The following B3GNT5 variants were observed in gnomAD, a reference collection of about 807,000 sequenced individuals.
The protein encoded by B3GNT5 is lactosylceramide 1,3-N-acetyl-beta-D-glucosaminyltransferase.
B3GNT5 carries 11 observed loss-of-function variants against 25.9 expected under a neutral mutation model. The observed-to-expected ratio is 0.42, with a 90% CI of 0.27 to 0.70. The LOEUF (loss-of-function observed/expected upper bound fraction) is 0.70. Among genes scored for constraint, B3GNT5 ranks in the 30% least tolerant of loss-of-function variants. The probability of loss-of-function intolerance (pLI) is 0.23; values close to 1 mark genes in which losing one functional copy is unlikely to be tolerated. For missense variants in B3GNT5, 385 were observed against 458.4 expected (o/e 0.84, Z 1.46); for synonymous variants, 166 against 158.6 (o/e 1.05, Z -0.35).
At chr3:183,254,647 G>T (rs1033128318) in intron 1 of B3GNT5, 5 of 152,190 alleles carry the variant, frequency 3.3e-5, no homozygotes, top group Non-Finnish European at 7.3e-5. Context: ...CACCAATTCG[G>T]TTGCCGGCCG....
At position 183,267,775 on chromosome 3, in the gene B3GNT5, G is replaced by A. The variant is rs1417966339; in HGVS notation, c.-301-1723G>A. Among the ~76,000 whole-genome samples, 3 of 152,208 alleles carry A rather than the reference G, an allele frequency of 2.0e-5. No individual in the cohort carries two copies. In the East Asian group the frequency reaches 5.8e-4, roughly 29 times the overall value. ...CGTCCCAGTGGTGGAGGAAAAGAGA[G>A]GACCTGGTGTAAGCAGCCATGGCAT... On this transcript the variant is annotated intron_variant, in intron 1 of 1. Transcript: ENST00000326505. This position sits in a 1 kb window ranked among gnomAD's most constrained non-coding sequence, Gnocchi z 5.5.
chr3:183,269,230 C>CTTTTTTTTTTTTTTTTTTTTTTTTTT lies in B3GNT5; in HGVS notation c.-301-250_-301-249insTTTTTTTTTTTTTTTTTTTTTTTTTT, dbSNP rs60835895. On this transcript the variant is annotated intron_variant, in intron 1 of 1. Transcript: ENST00000326505. Reference sequence around the variant, plus strand: ...TACACGATTATAGCCGTTTGGGAAGCTTTTTTTTTTTTTTTTTTAAGAGTA... The same window carrying CTTTTTTTTTTTTTTTTTTTTTTTTTT: ...TACACGATTATAGCCGTTTGGGAAGCTTTTTTTTTTTTTTTTTTTTTTTTTTTTTTTTTTTTTTTTTTTTAAGAGTA... 1.1e-3 allele frequency among the ~76,000 whole-genome samples: 87 copies of CTTTTTTTTTTTTTTTTTTTTTTTTTT among 81,000 alleles called. 20 individuals are homozygous for CTTTTTTTTTTTTTTTTTTTTTTTTTT. Among genetic ancestry groups the CTTTTTTTTTTTTTTTTTTTTTTTTTT allele is most frequent in the Middle Eastern group, 7.7e-3 (1 of 130 alleles). 53.1% of individuals were successfully genotyped at this position (81,000 alleles called of 152,430 possible). A position where few individuals can be genotyped will look rare whatever the true frequency, so the allele number is the denominator to read the frequency against.
In B3GNT5 at chr3:183,270,494, T is replaced by C. The variant is rs1446695091; in HGVS notation, c.696T>C (p.Asp232=). 2 of 1,614,062 alleles carry C rather than the reference T, an allele frequency of 1.2e-6. No homozygotes were observed. Among genetic ancestry groups the C allele is most frequent in the Non-Finnish European group, 1.7e-6 (2 of 1,180,036 alleles). The change falls in exon 2 of 2, where the codon GAT becomes GAC. Residue 232 remains aspartate (D), a synonymous_variant. Transcript: ENST00000326505. The surrounding 1 kb of genome is among the most constrained non-coding windows in gnomAD (Gnocchi z 4.5). ...RVHRGAPPIR[D]KSSKYYVSYE... ...ATCGTGGTGCCCCTCCCATTAGAGA[T>C]AAAAGCAGCAAATACTACGTGTCCT... is the stretch of plus-strand genomic sequence containing the variant.
In B3GNT5 at chr3:183,269,798, T is replaced by A. The variant is rs1230333114; in HGVS notation, c.-1T>A. On this transcript the variant is annotated 5_prime_UTR_variant, in exon 2 of 2. Transcript: ENST00000326505. Reference sequence around the variant, plus strand: ...CTAACTAAAAACAGACTTGAGTGGATATGAGAATGTTGGTTAGTGGCAGAA... The same window carrying A: ...CTAACTAAAAACAGACTTGAGTGGAAATGAGAATGTTGGTTAGTGGCAGAA... 2 of 1,599,374 alleles carry A rather than the reference T, an allele frequency of 1.3e-6. No homozygotes were observed. The highest frequency in any genetic ancestry group is 2.3e-5 in the South Asian group (2 of 87,836).
chr3:183,272,120 GTTGCCAGT>G lies in B3GNT5; in HGVS notation c.*1189_*1196del. Reference sequence around the variant, plus strand: ...AACAGAGTAAAAAAGTGATAGAAAAGTTGCCAGTTTGGGGTTAAAGCATTTTTAAAGCT... The same window carrying G: ...AACAGAGTAAAAAAGTGATAGAAAAGTTGGGGTTAAAGCATTTTTAAAGCT... On this transcript the variant is annotated 3_prime_UTR_variant, in exon 2 of 2. Coordinates refer to ENST00000326505, the MANE Select transcript of B3GNT5 (RefSeq NM_032047.5). The G allele has an allele frequency of 1.0e-6, 1 of 998,662 alleles. No homozygotes were observed. The highest frequency in any genetic ancestry group is 5.2e-4 in the Middle Eastern group (1 of 1,912). 61.9% of individuals were successfully genotyped at this position (998,662 alleles called of 1,614,324 possible).
At position 183,270,645 on chromosome 3, in the gene B3GNT5, G is replaced by T. The variant is rs1190308876; in HGVS notation, c.847G>T (p.Asp283Tyr). ...QTLNSSLYID[D>Y]VFMGLCANKI... ...ACTAAATTCAAGTCTTTACATAGAC[G>T]ATGTGTTCATGGGCCTCTGTGCCAA... The change falls in exon 2 of 2, where the codon GAT becomes TAT. Residue 283 changes from aspartate (D) to tyrosine (Y), a missense_variant. Asp to Tyr is a radical substitution (Grantham distance 160). Transcript: ENST00000326505. The surrounding 1 kb of genome is among the most constrained non-coding windows in gnomAD (Gnocchi z 4.5). The T allele has an allele frequency of 6.2e-7, 1 of 1,614,004 alleles. No homozygotes were observed. Among genetic ancestry groups the T allele is most frequent in the Non-Finnish European group, 8.5e-7 (1 of 1,180,038 alleles).
At chr3:183,269,014 TA>T (rs1258675593) in intron 1 of B3GNT5, among the ~76,000 whole-genome samples, 1 of 150,668 alleles carries the variant, frequency 6.6e-6, no homozygotes. Flanking sequence ...AACCTTAATT[TA>T]AAAAAAAAGA....
At chr3:183,263,617 T>C (rs1274949271) in intron 1 of B3GNT5, among the ~76,000 whole-genome samples, 1 of 152,128 alleles carries the variant, frequency 6.6e-6, no homozygotes, top group Non-Finnish European at 1.5e-5. Context: ...TTCATGAAAT[T>C]AGTCATCTTC....
intron 1 of B3GNT5, among the ~76,000 whole-genome samples, chr3:183,256,854 G>A (rs1034191846): frequency 1.1e-4 from 14 of 131,908 alleles, no homozygotes; most frequent in Middle Eastern, 3.4e-3. Context: ...ACGGAAGACC[G>A]TTATTCCATT....
chr3:183,258,317 TC>T (rs540102195), intron 1 of B3GNT5: 294 of 152,950 alleles, frequency 1.9e-3, no homozygotes, highest in Non-Finnish European at 3.5e-3. Flanking sequence ...TCCTCCCTTC[TC>T]CTTTTCTTTC....
Position 183,269,742 on chromosome 3 carries a change from C to T in B3GNT5, c.-57C>T, listed in dbSNP as rs565209559. On this transcript the variant is annotated 5_prime_UTR_variant, in exon 2 of 2. An upstream open reading frame in the 5' UTR gains an earlier in-frame stop. Coordinates refer to ENST00000326505, the MANE Select transcript of B3GNT5 (RefSeq NM_032047.5). ...TACGAAACACGAAGTTCTATGGTCT[C>T]GAAGAAGCCCGTGCCTGTTTAAAAC... is the stretch of plus-strand genomic sequence containing the variant. 16 of 1,489,954 alleles carry T rather than the reference C, an allele frequency of 1.1e-5. No homozygotes were observed. In the South Asian group the frequency reaches 1.5e-4, roughly 14 times the overall value. The allele number at this position is 1,489,954 out of a possible 1,614,324, so 92.3% of individuals were successfully genotyped here.
chr3:183,265,483 A>C (rs1255948588), intron 1 of B3GNT5: 1 of 152,308 alleles, frequency 6.6e-6, no homozygotes, highest in Non-Finnish European at 1.5e-5. Flanking sequence ...GAGAAGCTTT[A>C]AGACGCCGAA....
Position 183,270,997 on chromosome 3 carries a change from T to C in B3GNT5, c.*62T>C. The C allele has an allele frequency of 1.4e-6, 2 of 1,443,090 alleles. No homozygotes were observed. Among genetic ancestry groups the C allele is most frequent in the Non-Finnish European group, 1.9e-6 (2 of 1,071,704 alleles). The allele number at this position is 1,443,090 out of a possible 1,614,324, so 89.4% of individuals were successfully genotyped here. A position where few individuals can be genotyped will look rare whatever the true frequency, so the allele number is the denominator to read the frequency against. On this transcript the variant is annotated 3_prime_UTR_variant, in exon 2 of 2. Transcript: ENST00000326505. This position sits in a 1 kb window ranked among gnomAD's most constrained non-coding sequence, Gnocchi z 4.5. ...GTCAAACCTGGATGAAAAAAACCTT[T>C]AAATGTTCGTCTATACCCTAAGTAA...
chr3:183,257,636 C>T (rs958899900), intron 1 of B3GNT5, among the ~76,000 whole-genome samples: 3 of 152,152 alleles, frequency 2.0e-5, no homozygotes, highest in Non-Finnish European at 4.4e-5. Context: ...TTTTGTACCT[C>T]TGTGTTATAA....
intron 1 of B3GNT5, among the ~76,000 whole-genome samples, chr3:183,259,552 G>T (rs889435743): frequency 5.3e-5 from 8 of 152,132 alleles, no homozygotes; most frequent in Non-Finnish European, 1.2e-4. Flanking sequence ...CATGAAAACG[G>T]TTTTGATACA....
chr3:183,259,887 T>C (rs1725430131), intron 1 of B3GNT5, among the ~76,000 whole-genome samples: 1 of 151,618 alleles, frequency 6.6e-6, no homozygotes, highest in Non-Finnish European at 1.5e-5. Flanking sequence ...TGAAAAAGAG[T>C]GTGTTAGTGA....
intron 1 of B3GNT5, among the ~76,000 whole-genome samples, chr3:183,266,773 T>C (rs933763980): frequency 3.3e-5 from 5 of 152,086 alleles, no homozygotes; most frequent in Non-Finnish European, 5.9e-5. Context: ...ATCTGTTCCT[T>C]AGAGCAGTGT....
chr3:183,269,230 C>CTTTTT lies in B3GNT5; in HGVS notation c.-301-254_-301-250dup, dbSNP rs60835895. On this transcript the variant is annotated intron_variant, in intron 1 of 1. Coordinates refer to ENST00000326505, the MANE Select transcript of B3GNT5 (RefSeq NM_032047.5). ...TACACGATTATAGCCGTTTGGGAAGCTTTTTTTTTTTTTTTTTTAAGAGTA... is the reference window on the plus strand; with the variant it reads ...TACACGATTATAGCCGTTTGGGAAGCTTTTTTTTTTTTTTTTTTTTTTTAAGAGTA... Among the ~76,000 whole-genome samples, 31 of 80,998 alleles carry CTTTTT rather than the reference C, an allele frequency of 3.8e-4. 1 individual carries two copies. Among genetic ancestry groups the CTTTTT allele is most frequent in the East Asian group, 2.1e-3 (4 of 1,870 alleles). 53.1% of individuals were successfully genotyped at this position (80,998 alleles called of 152,430 possible).
intron 1 of B3GNT5, among the ~76,000 whole-genome samples, chr3:183,263,044 G>A (rs1173307107): frequency 6.6e-6 from 1 of 152,046 alleles, no homozygotes; most frequent in East Asian, 1.9e-4. Context: ...AGGGTGGGGT[G>A]GCAGAAGGTT....
Sources: gnomAD v4.1 joint callset for allele counts (sites outside exome capture counted in the v4.1 genomes callset) on GRCh38, gnomAD v4.1.1 for gene constraint, Gnocchi (gnomAD v3.1) non-coding constraint, MANE v1.5 for transcripts, NCBI Gene and HGNC (gene_info 2026-07-23, HGNC 2026-07-21) for gene names.